OXR1: variants seen among roughly 807,000 people sequenced by gnomAD.
OXR1 encodes oxidation resistance 1, also known as oxidation resistance protein 1.
OXR1 carries 41 observed loss-of-function variants against 104.6 expected under a neutral mutation model. That is an observed-to-expected ratio of 0.39 (90% CI 0.31 to 0.51). OXR1 has a LOEUF of 0.51. OXR1 is among the 20% of genes least tolerant of loss of function. OXR1 has a pLI of 0.77. For missense variants in OXR1, 955 were observed against 1,031.9 expected, an observed-to-expected ratio of 0.93 and a Z score of 1.02; for synonymous variants, 348 against 348.4, an observed-to-expected ratio of 1.00 and a Z score of 0.01.
chr8:106,737,648 G>C, intron 12 of OXR1, 48 bp downstream of exon 12: 1 of 660,036 alleles, frequency 1.5e-6, no homozygotes, highest in Non-Finnish European at 2.3e-6. Context: ...AATACTCCCT[G>C]TTTTTAGTGT....
intron 6 of OXR1, among the ~76,000 whole-genome samples, chr8:106,688,872 C>T (rs1829008046): frequency 6.6e-6 from 1 of 151,976 alleles, no homozygotes; most frequent in Non-Finnish European, 1.5e-5. Context: ...TGACTACTAG[C>T]AAGTGCAGGT....
intron 2 of OXR1, among the ~76,000 whole-genome samples, chr8:106,490,710 G>A (rs542822515): frequency 1.3e-5 from 2 of 152,194 alleles, no homozygotes; most frequent in South Asian, 4.1e-4. Flanking sequence ...GATCCTTGAG[G>A]GATGGTGAGA....
intron 3 of OXR1, among the ~76,000 whole-genome samples, chr8:106,673,269 G>T (rs527892588): frequency 1.5e-4 from 23 of 152,310 alleles, no homozygotes. Flanking sequence ...AATAAAGTTG[G>T]CTCTTGCTAT....
chr8:106,624,488 T>C (rs569733392), intron 3 of OXR1, among the ~76,000 whole-genome samples: 1 of 152,080 alleles, frequency 6.6e-6, no homozygotes, highest in African/African-American at 2.4e-5. Flanking sequence ...AGCCAGGTGG[T>C]AGAAATTAAT....
chr8:106,646,714 T>A (rs1369904570), intron 3 of OXR1, among the ~76,000 whole-genome samples: 1 of 152,176 alleles, frequency 6.6e-6, no homozygotes, highest in Non-Finnish European at 1.5e-5. Flanking sequence ...ATGCATACAG[T>A]ACCTTCTGTA....
intron 3 of OXR1, among the ~76,000 whole-genome samples, chr8:106,621,341 C>G (rs1480404633): frequency 6.6e-6 from 1 of 152,104 alleles, no homozygotes; most frequent in African/African-American, 2.4e-5. Context: ...GTCCTAGCTA[C>G]TTAGAAGACT....
chr8:106,463,644 A>T (rs1473821986), intron 2 of OXR1, among the ~76,000 whole-genome samples: 2 of 152,150 alleles, frequency 1.3e-5, no homozygotes, highest in Non-Finnish European at 2.9e-5. Flanking sequence ...GCGAGGCTGT[A>T]TCAGTCTGTC....
At chr8:106,597,650 G>T (rs567169884) in intron 3 of OXR1, among the ~76,000 whole-genome samples, 2 of 152,198 alleles carry the variant, frequency 1.3e-5, no homozygotes, top group South Asian at 2.1e-4. Context: ...TTTGATGTTC[G>T]TTATAACTCA....
At chr8:106,649,350 T>C (rs1824353990) in intron 3 of OXR1, among the ~76,000 whole-genome samples, 1 of 151,860 alleles carries the variant, frequency 6.6e-6, no homozygotes, top group African/African-American at 2.4e-5. Context: ...TACAGAAGGA[T>C]ATACACAAAG....
intron 1 of OXR1, among the ~76,000 whole-genome samples, chr8:106,350,067 T>C (rs1327019512): frequency 6.6e-6 from 1 of 151,968 alleles, no homozygotes; most frequent in African/African-American, 2.4e-5. Flanking sequence ...TAGTTTGAAG[T>C]CACAGCTGAG....
chr8:106,524,118 A>G (rs149732596), intron 3 of OXR1, among the ~76,000 whole-genome samples: 3 of 152,298 alleles, frequency 2.0e-5, no homozygotes, highest in African/African-American at 4.8e-5. Context: ...TTTGTGTTAC[A>G]TAAAACCATT....
At chr8:106,520,413 C>T (rs1397646232) in intron 3 of OXR1, 1 of 152,168 alleles carries the variant, frequency 6.6e-6, no homozygotes, top group Non-Finnish European at 1.5e-5. Context: ...TAAATTCCTT[C>T]CTTCAAGCTG....
At chr8:106,451,279 G>A (rs1213465974) in intron 2 of OXR1, among the ~76,000 whole-genome samples, 1 of 152,086 alleles carries the variant, frequency 6.6e-6, no homozygotes, top group Non-Finnish European at 1.5e-5. Context: ...CTTGCAAACA[G>A]TTTGGCTTAT....
intron 1 of OXR1, among the ~76,000 whole-genome samples, chr8:106,321,296 A>G (rs1388794393): frequency 6.6e-6 from 1 of 152,222 alleles, no homozygotes; most frequent in Non-Finnish European, 1.5e-5. Flanking sequence ...TTCAAAGAAA[A>G]AATGTAATGG....
At chr8:106,306,667 A>C (rs1813477681) in intron 1 of OXR1, among the ~76,000 whole-genome samples, 1 of 152,218 alleles carries the variant, frequency 6.6e-6, no homozygotes, top group Non-Finnish European at 1.5e-5. Context: ...AAAATAGTAC[A>C]TTTTGTATGA....
intron 2 of OXR1, among the ~76,000 whole-genome samples, chr8:106,491,663 G>A (rs1021846625): frequency 9.2e-5 from 14 of 152,152 alleles, no homozygotes; most frequent in Admixed American, 4.6e-4. Flanking sequence ...CACTTCTGCC[G>A]GGTGAGGACC....
At chr8:106,270,754 G>A (rs372586589) in intron 1 of OXR1, among the ~76,000 whole-genome samples, 15 of 152,108 alleles carry the variant, frequency 9.9e-5, no homozygotes, top group African/African-American at 3.6e-4. Context: ...GATAGAGTGG[G>A]AGCAGCGTGA....
At chr8:106,731,800 A>G (rs370312559) in intron 11 of OXR1, among the ~76,000 whole-genome samples, 13 of 152,332 alleles carry the variant, frequency 8.5e-5, no homozygotes, top group African/African-American at 2.9e-4. Context: ...GCTTTATAGT[A>G]TAGTAAGTCT....
At chr8:106,570,875 A>G (rs980624695) in intron 3 of OXR1, among the ~76,000 whole-genome samples, 6 of 152,112 alleles carry the variant, frequency 3.9e-5, no homozygotes, top group African/African-American at 1.4e-4. Context: ...TTCACTCTCA[A>G]ACAAAATTAC....
Sources: allele counts gnomAD v4.1 joint callset (sites outside exome capture counted in the v4.1 genomes callset), GRCh38; gene constraint gnomAD v4.1.1; transcripts MANE v1.5; gene names NCBI Gene and HGNC (gene_info 2026-07-23, HGNC 2026-07-21).